HERC1: variants seen among roughly 807,000 people sequenced by gnomAD.
HERC1 encodes the protein HECT and RLD domain containing E3 ubiquitin protein ligase family member 1, also known as probable E3 ubiquitin-protein ligase HERC1.
A neutral mutation model predicts 554.3 loss-of-function variants in HERC1; 160 were observed. The ratio of observed to expected loss-of-function variants is 0.29; its 90% CI spans 0.25 to 0.33. HERC1 has a LOEUF of 0.33. HERC1 is among the 10% of genes least tolerant of loss of function. HERC1 has a pLI of 1.00. For missense variants in HERC1, 4,919 were observed against 5,918.5 expected, an observed-to-expected ratio of 0.83 and a Z score of 5.54; for synonymous variants, 2,175 against 2,131.7, an observed-to-expected ratio of 1.02 and a Z score of -0.56.
intron 12 of HERC1, among the ~76,000 whole-genome samples, chr15:63,744,164 G>GTGTGTCTCTCTCTCTCTCTCTCTCTCTC: frequency 2.2e-5 from 1 of 46,220 alleles, no homozygotes; most frequent in Non-Finnish European, 5.3e-5. Context: ...GTGTGTGTGT[G>GTGTGTCTCTCTCTCTCTCTCTCTCTCTC]TCTCTCTCTC....
intron 39 of HERC1, among the ~76,000 whole-genome samples, chr15:63,671,468 T>C (rs1192439477): frequency 6.6e-6 from 1 of 152,102 alleles, no homozygotes; most frequent in Non-Finnish European, 1.5e-5. Context: ...AAACTATTAT[T>C]CCAGTAAGAG....
Position 63,674,595 on chromosome 15 carries a change from C to T in HERC1, c.7593G>A (p.Leu2531=), listed in dbSNP as rs770092334. Residue 2531 remains leucine, a synonymous_variant, in exon 38 of 78, where the codon CTG becomes CTA. Transcript: ENST00000443617. ...ALLGCSKYAE[L]LLIPKVLAEN... ...CAGCCAGAACTTTTGGTATCAGCAA[C>T]AGCTCAGCATATTTACTACAGCCAA... The T allele has an allele frequency of 2.5e-6, 4 of 1,612,698 alleles. No homozygotes were observed. In the South Asian group the frequency reaches 4.4e-5, roughly 18 times the overall value.
At chr15:63,681,467 G>A (rs903260582) in intron 34 of HERC1, among the ~76,000 whole-genome samples, 1 of 152,040 alleles carries the variant, frequency 6.6e-6, no homozygotes, top group Admixed American at 6.6e-5. Context: ...AAAGTGTTGG[G>A]ATTATAGGCA....
chr15:63,666,231 C>A, intron 41 of HERC1, 81 bp from the exon 42 acceptor site: 1 of 1,389,044 alleles, frequency 7.2e-7, no homozygotes, highest in Non-Finnish European at 9.9e-7. Flanking sequence ...TGCTATGATG[C>A]TCTTGTAACA....
At chr15:63,620,353 G>C (rs2068020219) in intron 74 of HERC1, among the ~76,000 whole-genome samples, 1 of 152,120 alleles carries the variant, frequency 6.6e-6, no homozygotes, top group Admixed American at 6.5e-5. Context: ...ACTGTGGTCT[G>C]AGAGACAGTT....
intron 56 of HERC1, among the ~76,000 whole-genome samples, 172 bp downstream of exon 56, chr15:63,645,311 C>A (rs2069278002): frequency 6.6e-6 from 1 of 152,186 alleles, no homozygotes; most frequent in African/African-American, 2.4e-5. Context: ...AAGTTTCACA[C>A]TGGACAACTA....
chr15:63,737,854 C>T (rs1029171048), intron 12 of HERC1, among the ~76,000 whole-genome samples: 15 of 152,030 alleles, frequency 9.9e-5, no homozygotes, highest in Admixed American at 9.2e-4. Context: ...AGTAACACCG[C>T]TGAAAACTAG....
At chr15:63,673,939 G>T (rs898238495) in intron 38 of HERC1, among the ~76,000 whole-genome samples, 1 of 152,190 alleles carries the variant, frequency 6.6e-6, no homozygotes, top group African/African-American at 2.4e-5. Flanking sequence ...TGGCCAGGCT[G>T]GTCTAGAACT....
At chr15:63,738,707 A>C (rs2074655435) in intron 12 of HERC1, among the ~76,000 whole-genome samples, 1 of 152,214 alleles carries the variant, frequency 6.6e-6, no homozygotes, top group Admixed American at 6.5e-5. Context: ...GTAAACAGAA[A>C]CAGCCTGTGT....
intron 66 of HERC1, 95 bp downstream of exon 66, chr15:63,634,638 A>C (rs1363505377): frequency 1.0e-6 from 1 of 962,996 alleles, no homozygotes; most frequent in Non-Finnish European, 1.5e-6. Flanking sequence ...GTTAGGTACA[A>C]CTGGTGATCC....
intron 25 of HERC1, among the ~76,000 whole-genome samples, chr15:63,702,715 C>T (rs2072786965): frequency 6.6e-6 from 1 of 152,182 alleles, no homozygotes; most frequent in Admixed American, 6.5e-5. Flanking sequence ...GAACAATGCT[C>T]ATATAGTAAG....
At chr15:63,640,077 T>C (rs2152836885) in intron 61 of HERC1, 75 bp downstream of exon 61, 1 of 1,383,362 alleles carries the variant, frequency 7.2e-7, no homozygotes, top group Non-Finnish European at 1.0e-6. Context: ...CAAAGACTTA[T>C]TAGGGGTCTG....
rs1566976424 is a variant in HERC1 at position 63,653,971 on chromosome 15, C to T, written c.10290+148G>A. ...AAGTAGAGTTGGTAACTGCCAGGAA[C>T]ATCTTTGTAATTGTGTGCATGTGTA... On this transcript the variant is annotated intron_variant, in intron 51 of 77. Coordinates refer to ENST00000443617, the MANE Select transcript of HERC1 (RefSeq NM_003922.4). 13 of 633,846 alleles carry T rather than the reference C, an allele frequency of 2.1e-5. No individual in the cohort carries two copies. In the East Asian group the frequency reaches 3.2e-4, roughly 16 times the overall value. The allele number at this position is 633,846 out of a possible 1,614,324, so 39.3% of individuals were successfully genotyped here.
intron 42 of HERC1, 70 bp downstream of exon 42, chr15:63,665,849 G>C (rs2070602700): frequency 9.4e-7 from 1 of 1,069,046 alleles, no homozygotes; most frequent in Non-Finnish European, 1.4e-6. Flanking sequence ...CATTTATGAC[G>C]GGATATATAA....
At chr15:63,623,655 G>C in intron 73 of HERC1, 70 bp downstream of exon 73, 2 of 1,411,714 alleles carry the variant, frequency 1.4e-6, no homozygotes, top group Admixed American at 1.7e-5. Context: ...CTGGCAGAGT[G>C]ATCACTGGAA....
chr15:63,681,509 T>C (rs1239532467), intron 34 of HERC1, among the ~76,000 whole-genome samples: 1 of 152,082 alleles, frequency 6.6e-6, no homozygotes, highest in Non-Finnish European at 1.5e-5. Flanking sequence ...ACTATTACTA[T>C]TTTCAAAAAG....
chr15:63,743,314 T>A (rs2074904680), intron 12 of HERC1, among the ~76,000 whole-genome samples: 1 of 141,648 alleles, frequency 7.1e-6, no homozygotes, highest in Non-Finnish European at 1.5e-5. Flanking sequence ...CAGGCTGGAG[T>A]GCAGTGGCAC....
Position 63,625,980 on chromosome 15 carries a change from G to A in HERC1, c.13275+5C>T, listed in dbSNP as rs1337368475. ...GCCTGGCTGCTTACCACGCCAGTCTGTTACCTGGTTGTTGGGGCTAAGGTT... is the reference window on the plus strand; with the variant it reads ...GCCTGGCTGCTTACCACGCCAGTCTATTACCTGGTTGTTGGGGCTAAGGTT... On this transcript the variant is annotated splice_donor_5th_base_variant and intron_variant, in intron 71 of 77. Coordinates refer to ENST00000443617, the MANE Select transcript of HERC1 (RefSeq NM_003922.4). 1 of 1,605,230 alleles carries A rather than the reference G, an allele frequency of 6.2e-7. No homozygotes were observed. Among genetic ancestry groups the A allele is most frequent in the Non-Finnish European group, 8.5e-7 (1 of 1,175,808 alleles).
intron 64 of HERC1, chr15:63,637,033 T>A (rs8030077): frequency 0.12 from 50,809 of 437,502 alleles, 3,336 homozygotes; most frequent in African/African-American, 0.17. Flanking sequence ...AGAGTCATTA[T>A]GAGTTCAGTT....
Sources: allele counts gnomAD v4.1 joint callset (sites outside exome capture counted in the v4.1 genomes callset), GRCh38; gene constraint gnomAD v4.1.1; transcripts MANE v1.5; gene names NCBI Gene and HGNC (gene_info 2026-07-23, HGNC 2026-07-21).